Variants in PEX16 observed in about 807,000 individuals in gnomAD.
PEX16 encodes peroxin 16.
Under a neutral mutation model 50.5 loss-of-function variants are expected in PEX16, and 37 were observed. That is an observed-to-expected ratio of 0.73 (90% confidence interval 0.56 to 0.96). PEX16 has a LOEUF of 0.96. Ranked by LOEUF, PEX16 falls within the 40% of genes least tolerant of loss-of-function variation. The pLI is 0.00. For synonymous variants in PEX16, 185 were observed against 190.3 expected (o/e 0.97, Z 0.23); for missense variants, 401 against 438.3 (o/e 0.91, Z 0.76).
chr11:45,917,371 T>G, intron 2 of PEX16, 87 bp downstream of exon 2: 1 of 1,277,210 alleles, frequency 7.8e-7, no homozygotes, highest in Non-Finnish European at 1.1e-6. Context: ...GCCCAGGTCC[T>G]CGGGCTGGGG....
intron 5 of PEX16, 74 bp from the exon 6 acceptor site, chr11:45,914,758 G>C: frequency 7.9e-7 from 1 of 1,261,982 alleles, no homozygotes; most frequent in East Asian, 2.3e-5. Context: ...AACGTGTGCA[G>C]TGAATGCTCA....
Position 45,916,884 on chromosome 11 carries a change from G to A in PEX16, c.148+574C>T, listed in dbSNP as rs552523924. 43 of 390,076 alleles carry A rather than the reference G, an allele frequency of 1.1e-4. No individual in the cohort carries two copies. The East Asian group carries it at 3.1e-3, about 28-fold the overall frequency. The allele number at this position is 390,076 out of a possible 1,614,324, so 24.2% of individuals were successfully genotyped here. A position where few individuals can be genotyped will look rare whatever the true frequency, so the allele number is the denominator to read the frequency against. On this transcript the variant is annotated intron_variant, in intron 2 of 10. Coordinates refer to ENST00000378750, the MANE Select transcript of PEX16 (RefSeq NM_004813.4). ...GGGGTTTCACCATGTTGGCCAGGCT[G>A]GTCTCGAACTCCTGACCTCACGTGA...
At chr11:45,912,748 C>A (rs1032354700) in intron 9 of PEX16, among the ~76,000 whole-genome samples, 1 of 151,970 alleles carries the variant, frequency 6.6e-6, no homozygotes, top group African/African-American at 2.4e-5. Flanking sequence ...GTGATCCGCC[C>A]GCCTCGGCCT....
intron 4 of PEX16, 32 bp downstream of exon 4, chr11:45,915,671 C>G (rs777722790): frequency 6.2e-7 from 1 of 1,613,334 alleles, no homozygotes; most frequent in Non-Finnish European, 8.5e-7. Flanking sequence ...GCGTCACCCC[C>G]ACCCAGGACC....
chr11:45,916,388 G>A (rs2086836212), intron 2 of PEX16, 85 bp from the exon 3 acceptor site: 1 of 1,066,976 alleles, frequency 9.4e-7, no homozygotes, highest in Non-Finnish European at 1.4e-6. Flanking sequence ...GGGATCACCT[G>A]TCACATGCTC....
At chr11:45,911,900 TG>T (rs2086782416) in intron 9 of PEX16, 1 of 152,210 alleles carries the variant, frequency 6.6e-6, no homozygotes. Flanking sequence ...GGCGCGCACC[TG>T]TAATCCCAGC....
At position 45,915,842 on chromosome 11, in the gene PEX16, A is replaced by G. The variant is rs2086828565; in HGVS notation, c.226-6T>C. 6.2e-7 allele frequency: 1 copy of G among 1,613,694 alleles called. No homozygotes were observed. The highest frequency in any genetic ancestry group is 8.5e-7 in the Non-Finnish European group (1 of 1,179,944). On this transcript the variant is annotated splice_region_variant and splice_polypyrimidine_tract_variant and intron_variant, in intron 3 of 10. Transcript: ENST00000378750. Reference sequence around the variant, plus strand: ...AGCTTCTGCTGGGACAGCGACTGCAAGAACCCCAGGCCAAGAAGTCAGGGG... The same window carrying G: ...AGCTTCTGCTGGGACAGCGACTGCAGGAACCCCAGGCCAAGAAGTCAGGGG...
chr11:45,914,796 G>A (rs529144950), intron 5 of PEX16, 112 bp from the exon 6 acceptor site: 3 of 911,502 alleles, frequency 3.3e-6, no homozygotes, highest in Non-Finnish European at 5.4e-6. Flanking sequence ...AGATGAGCTT[G>A]TACTATGGCA....
chr11:45,915,048 G>A (rs888126063), intron 5 of PEX16, among the ~76,000 whole-genome samples: 8 of 152,252 alleles, frequency 5.3e-5, no homozygotes, highest in Non-Finnish European at 7.3e-5. Flanking sequence ...CAATCATGAT[G>A]AGAGGCAATG....
chr11:45,911,185 G>A (rs533256047), intron 9 of PEX16, among the ~76,000 whole-genome samples: 63 of 152,300 alleles, frequency 4.1e-4, no homozygotes, highest in Non-Finnish European at 8.4e-4. Flanking sequence ...CGGGGTGGCC[G>A]CTGACCCACA....
chr11:45,912,819 T>G (rs932926033), intron 9 of PEX16, among the ~76,000 whole-genome samples: 4 of 145,352 alleles, frequency 2.8e-5, no homozygotes, highest in South Asian at 2.2e-4. Context: ...GCCAGTTTTG[T>G]TTTTTTTTTT....
At chr11:45,918,065 G>A, upstream of PEX16, 1 of 563,690 alleles carries the variant, frequency 1.8e-6, no homozygotes, top group African/African-American at 1.9e-5. Context: ...TCATTGGTTA[G>A]CACGCTCTCC....
chr11:45,911,017 C>T (rs1318913411), intron 9 of PEX16, 55 bp from the exon 10 acceptor site: 1 of 1,280,010 alleles, frequency 7.8e-7, no homozygotes, highest in Non-Finnish European at 1.1e-6. Flanking sequence ...TGGGTCCCTG[C>T]AAACCAGGAG....
chr11:45,913,530 T>TG (rs2086798512), intron 9 of PEX16, among the ~76,000 whole-genome samples: 1 of 152,262 alleles, frequency 6.6e-6, no homozygotes, highest in African/African-American at 2.4e-5. Context: ...CTAGAGGCCA[T>TG]GGGCGCCCGC....
At chr11:45,913,005 T>A (rs75195029) in intron 9 of PEX16, among the ~76,000 whole-genome samples, 113,355 of 151,066 alleles carry the variant, frequency 0.75, 45,868 homozygotes, top group Non-Finnish European at 0.92. Context: ...ATTATTTTTT[T>A]TTTTTTTTTG....
chr11:45,914,144 C>G lies in PEX16; in HGVS notation c.754G>C (p.Val252Leu). The change falls in exon 8 of 11, where the codon GTG becomes CTG. Residue 252 changes from valine to leucine, a missense_variant. Physicochemically the swap from Val to Leu is conservative, Grantham distance 32. Transcript: ENST00000378750. Reference sequence around the variant, plus strand: ...GCCCAGGCTCACCTGGTCACGTCCACAACACCAGCCAAGAGCCAGGGTTTC... The same window carrying G: ...GCCCAGGCTCACCTGGTCACGTCCAGAACACCAGCCAAGAGCCAGGGTTTC... ...SWKPWLLAGV[V>L]DVTSLSLLSD... The G allele has an allele frequency of 6.2e-7, 1 of 1,603,788 alleles. No individual in the cohort carries two copies. Among genetic ancestry groups the G allele is most frequent in the Non-Finnish European group, 8.5e-7 (1 of 1,175,144 alleles).
intron 2 of PEX16, 138 bp downstream of exon 2, chr11:45,917,320 C>T (rs919902916): frequency 2.3e-5 from 18 of 771,134 alleles, no homozygotes; most frequent in Admixed American, 9.8e-5. Flanking sequence ...AACAACAGAC[C>T]TTGTGCCGAT....
At chr11:45,917,594 G>T in intron 1 of PEX16, 101 bp from the exon 2 acceptor site, 2 of 1,517,714 alleles carry the variant, frequency 1.3e-6, no homozygotes, top group Non-Finnish European at 1.8e-6. Context: ...GAACCTGGAC[G>T]GGTCTTCTCA....
chr11:45,914,138 C>T lies in PEX16; in HGVS notation c.760G>A (p.Val254Met), dbSNP rs35214605. The T allele has an allele frequency of 9.4e-6, 15 of 1,600,446 alleles. No homozygotes were observed. Among genetic ancestry groups the T allele is most frequent in the African/African-American group, 2.7e-5 (2 of 74,406 alleles). The change falls in exon 8 of 11, where the codon GTG (valine) becomes ATG (methionine). Residue 254 changes from valine to methionine, a missense_variant. Physicochemically the swap from Val to Met is conservative, Grantham distance 21 (BLOSUM62 1). Coordinates refer to ENST00000378750, the MANE Select transcript of PEX16 (RefSeq NM_004813.4). ...AGGCAGGCCCAGGCTCACCTGGTCA[C>T]GTCCACAACACCAGCCAAGAGCCAG... Reference protein sequence around the residue: ...KPWLLAGVVDVTSLSLLSDRK... With the variant: ...KPWLLAGVVDMTSLSLLSDRK...
Sources: allele counts gnomAD v4.1 joint callset (sites outside exome capture counted in the v4.1 genomes callset), GRCh38; gene constraint gnomAD v4.1.1; transcripts MANE v1.5; gene names NCBI Gene and HGNC (gene_info 2026-07-23, HGNC 2026-07-21).